Variants in IGHMBP2 observed in about 807,000 individuals in gnomAD.
IGHMBP2 encodes the protein immunoglobulin mu DNA binding protein 2, also known as DNA-binding protein SMUBP-2.
IGHMBP2 carries 81 observed loss-of-function variants against 96.0 expected under a neutral mutation model. That is an observed-to-expected ratio of 0.84 (90% CI 0.71 to 1.01). The LOEUF (loss-of-function observed/expected upper bound fraction) is 1.01. Ranked by LOEUF, IGHMBP2 falls within the 50% of genes least tolerant of loss-of-function variation. The probability of loss-of-function intolerance (pLI) is 0.00; values close to 1 mark genes in which losing one functional copy is unlikely to be tolerated. For synonymous variants in IGHMBP2, 557 were observed against 548.9 expected (o/e 1.01, Z -0.21); for missense variants, 1,227 against 1,306.3 (o/e 0.94, Z 0.94).
intron 11 of IGHMBP2, 152 bp downstream of exon 11, chr11:68,934,710 G>A (rs1373842290): frequency 7.0e-6 from 5 of 710,560 alleles, no homozygotes; most frequent in South Asian, 3.1e-5. Context: ...CCCAAATGAT[G>A]TCGTCAGGGG....
At chr11:68,914,292 CA>C (rs35858423) in intron 5 of IGHMBP2, among the ~76,000 whole-genome samples, 19 of 136,200 alleles carry the variant, frequency 1.4e-4, no homozygotes, top group South Asian at 2.8e-4. Context: ...CAATTTGTTT[CA>C]AAAAAAAAAA....
Position 68,912,514 on chromosome 11 carries a change from GTT to G in IGHMBP2, c.711+923_711+924del, listed in dbSNP as rs35731883. Among the ~76,000 whole-genome samples, 508 of 147,510 alleles carry G rather than the reference GTT, an allele frequency of 3.4e-3. 5 individuals carry two copies. Among genetic ancestry groups the G allele is most frequent in the African/African-American group, 9.3e-3 (375 of 40,304 alleles). Reference sequence around the variant, plus strand: ...CATTGTGGATCTTGGCACATGGAGAGTTTTTTTTTTTTTAATTTATTTATTTA... The same window carrying G: ...CATTGTGGATCTTGGCACATGGAGAGTTTTTTTTTTTAATTTATTTATTTA... On this transcript the variant is annotated intron_variant, in intron 5 of 14. Coordinates refer to ENST00000255078, the MANE Select transcript of IGHMBP2 (RefSeq NM_002180.3).
chr11:68,917,786 T>C lies in IGHMBP2; in HGVS notation c.963T>C (p.Asn321=), dbSNP rs771900045. Residue 321 remains asparagine, a synonymous_variant, in exon 7 of 15, where the codon AAT becomes AAC. Coordinates refer to ENST00000255078, the MANE Select transcript of IGHMBP2 (RefSeq NM_002180.3). ...QDKREKSNFR[N]EIKLLRKELK... Reference sequence around the variant, plus strand: ...AGAGAGAGAAAAGTAATTTTCGAAATGAAATTAAGCTGTTAAGAAAAGAAC... The same window carrying C: ...AGAGAGAGAAAAGTAATTTTCGAAACGAAATTAAGCTGTTAAGAAAAGAAC... 33 of 1,613,342 alleles carry C rather than the reference T, an allele frequency of 2.0e-5. No individual in the cohort carries two copies. The East Asian group carries it at 7.1e-4, about 35-fold the overall frequency.
Position 68,919,597 on chromosome 11 carries a change from G to A in IGHMBP2, c.1060+1714G>A, listed in dbSNP as rs144655163. Among the ~76,000 whole-genome samples, 846 of 152,310 alleles carry A rather than the reference G, an allele frequency of 5.6e-3. 4 individuals carry two copies. The highest frequency in any genetic ancestry group is 1.0e-2 in the Non-Finnish European group (679 of 68,028). On this transcript the variant is annotated intron_variant, in intron 7 of 14. Transcript: ENST00000255078. ...AGAACGTGTGTTCTGATTTTATTGA[G>A]TGTTCTGTAAGTAGTCAGATCATGA...
At chr11:68,930,336 G>A (rs1210901562) in intron 8 of IGHMBP2, 9 of 1,289,802 alleles carry the variant, frequency 7.0e-6, no homozygotes, top group African/African-American at 1.5e-5. Flanking sequence ...CTATGAACTC[G>A]GAACTTTCGT....
rs1412392275 is a variant in IGHMBP2, at chr11:68,929,194, G to A, written c.1072G>A (p.Asp358Asn). The change falls in exon 8 of 15, where the codon GAT becomes AAT. Residue 358 changes from aspartate (D) to asparagine (N), a missense_variant. Coordinates refer to ENST00000255078, the MANE Select transcript of IGHMBP2 (RefSeq NM_002180.3). ...VLATNTGASA[D>N]GPLKLLPESY... ...CCTGTTTCCACCAGGTGCGTCTGCC[G>A]ATGGCCCCCTGAAGTTGCTGCCCGA... The A allele has an allele frequency of 6.2e-7, 1 of 1,612,956 alleles. No individual in the cohort carries two copies. The highest frequency in any genetic ancestry group is 8.5e-7 in the Non-Finnish European group (1 of 1,180,006).
intron 7 of IGHMBP2, among the ~76,000 whole-genome samples, chr11:68,918,682 CAA>C (rs1455269172): frequency 6.6e-6 from 1 of 151,612 alleles, no homozygotes; most frequent in Non-Finnish European, 1.5e-5. Flanking sequence ...CAAAGCAAAA[CAA>C]AAAAAGAGAC....
At chr11:68,933,989 T>G in intron 10 of IGHMBP2, 76 bp downstream of exon 10, 2 of 1,052,496 alleles carry the variant, frequency 1.9e-6, no homozygotes, top group Non-Finnish European at 2.9e-6. Context: ...GGCACTTTAA[T>G]TGCCTAATTC....
At chr11:68,932,155 T>C (rs1859336311) in intron 8 of IGHMBP2, 1 of 151,700 alleles carries the variant, frequency 6.6e-6, no homozygotes, top group Non-Finnish European at 1.5e-5. Context: ...GAGAGTAGAA[T>C]GGTTTCGGGG....
chr11:68,911,217 C>T lies in IGHMBP2; in HGVS notation c.548-223C>T, dbSNP rs149249976. On this transcript the variant is annotated intron_variant, in intron 4 of 14. Transcript: ENST00000255078. ...GTGCTCCAGTAAAACTCACCAAAAC[C>T]GGCAGCTGACTGGATGTGGCCCACA... Among the ~76,000 whole-genome samples the T allele has an allele frequency of 4.4e-3, 676 of 152,260 alleles. 5 individuals are homozygous for T. The highest frequency in any genetic ancestry group is 0.015 in the African/African-American group (636 of 41,544).
rs199879444 is a variant in IGHMBP2 at position 68,936,619 on chromosome 11, C to T, written c.2139C>T (p.Asn713=). The change falls in exon 13 of 15, where the codon AAC becomes AAT. Residue 713 remains asparagine (N), a synonymous_variant. Transcript: ENST00000255078. ...AAGCTCCATCTCAGCCCAGCCTCAACGGAGGCAGCCCAGAGGGAGTGGAGA... is the reference window on the plus strand; with the variant it reads ...AAGCTCCATCTCAGCCCAGCCTCAATGGAGGCAGCCCAGAGGGAGTGGAGA... ...ASEAPSQPSL[N]GGSPEGVESQ... 5.8e-5 allele frequency: 93 copies of T among 1,613,560 alleles called. No homozygotes were observed. The highest frequency in any genetic ancestry group is 1.5e-4 in the African/African-American group (11 of 74,940).
chr11:68,929,398 C>T, intron 8 of IGHMBP2, 41 bp downstream of exon 8: 1 of 1,573,800 alleles, frequency 6.4e-7, no homozygotes, highest in Admixed American at 1.7e-5. Flanking sequence ...CTGCCCCCGC[C>T]CTCCTGCGGT....
chr11:68,934,585 A>G, intron 11 of IGHMBP2, 27 bp downstream of exon 11: 1 of 1,530,624 alleles, frequency 6.5e-7, no homozygotes, highest in Non-Finnish European at 9.0e-7. Context: ...TTGTCCCTCT[A>G]CAGAGCAGCT....
chr11:68,905,301 G>A (rs1015904876), intron 1 of IGHMBP2, among the ~76,000 whole-genome samples: 2 of 152,216 alleles, frequency 1.3e-5, no homozygotes, highest in African/African-American at 2.4e-5. Flanking sequence ...GTTATGTTGA[G>A]TTTCTTAGAA....
At chr11:68,927,764 G>A (rs1394721802) in intron 7 of IGHMBP2, among the ~76,000 whole-genome samples, 4 of 152,250 alleles carry the variant, frequency 2.6e-5, no homozygotes, top group African/African-American at 9.6e-5. Flanking sequence ...TCTTTTGAGT[G>A]TGGTCTACCA....
chr11:68,936,601 A>G lies in IGHMBP2; in HGVS notation c.2121A>G (p.Pro707=), dbSNP rs1342765347. 1 of 1,613,024 alleles carries G rather than the reference A, an allele frequency of 6.2e-7. No individual in the cohort carries two copies. Among genetic ancestry groups the G allele is most frequent in the Non-Finnish European group, 8.5e-7 (1 of 1,179,504 alleles). The stretch of plus-strand genomic sequence containing the variant: ...GGAAGTCTCTGGCCTCTGAAGCTCC[A>G]TCTCAGCCCAGCCTCAACGGAGGCA... ...PAGKSLASEA[P]SQPSLNGGSP... Residue 707 remains proline (P), a synonymous_variant, in exon 13 of 15, where the codon CCA becomes CCG. Transcript: ENST00000255078.
At chr11:68,935,555 T>A in intron 12 of IGHMBP2, 133 bp downstream of exon 12, 2 of 1,080,828 alleles carry the variant, frequency 1.9e-6, no homozygotes, top group Non-Finnish European at 2.8e-6. Flanking sequence ...CTGTCCTTAG[T>A]AAGTTCACGT....
intron 7 of IGHMBP2, among the ~76,000 whole-genome samples, chr11:68,925,561 C>T (rs1258853251): frequency 2.0e-5 from 3 of 152,172 alleles, no homozygotes; most frequent in Non-Finnish European, 4.4e-5. Flanking sequence ...TATATCTACC[C>T]ATGTAGTTGC....
At chr11:68,908,720 T>G (rs1858300922) in intron 4 of IGHMBP2, 89 bp downstream of exon 4, 1 of 874,276 alleles carries the variant, frequency 1.1e-6, no homozygotes, top group African/African-American at 1.6e-5. Context: ...AATAAGAGTT[T>G]GAGAAAGTAT....
Sources: allele counts gnomAD v4.1 joint callset (sites outside exome capture counted in the v4.1 genomes callset), GRCh38; gene constraint gnomAD v4.1.1; transcripts MANE v1.5; gene names NCBI Gene and HGNC (gene_info 2026-07-23, HGNC 2026-07-21).